The following LPP variants were observed in gnomAD, a reference collection of about 807,000 sequenced individuals.
LPP encodes lipoma-preferred partner.
Under a neutral mutation model 60.4 loss-of-function variants are expected in LPP, and 38 were observed. That is an observed-to-expected ratio of 0.63 (90% CI 0.49 to 0.83). The LOEUF (loss-of-function observed/expected upper bound fraction) is 0.83, where lower values mean the gene tolerates loss of function less well. Among genes scored for constraint, LPP ranks in the 40% least tolerant of loss-of-function variants. The pLI, the probability that LPP is intolerant of heterozygous loss-of-function variation, is 0.00. For missense variants in LPP, 902 were observed against 783.6 expected (o/e 1.15, Z -1.80); for synonymous variants, 328 against 290.8 (o/e 1.13, Z -1.30).
At chr3:188,487,555 A>C (rs921961215) in intron 5 of LPP, among the ~76,000 whole-genome samples, 1 of 152,224 alleles carries the variant, frequency 6.6e-6, no homozygotes, top group Non-Finnish European at 1.5e-5. Context: ...GAAAAGGACA[A>C]ATCTGGTAGG....
chr3:188,541,210 A>C (rs1040101796), intron 6 of LPP, among the ~76,000 whole-genome samples: 1 of 152,202 alleles, frequency 6.6e-6, no homozygotes, highest in Non-Finnish European at 1.5e-5. Flanking sequence ...TTTATTGTTC[A>C]TCTGATTGAC....
chr3:188,885,180 A>G lies in LPP; in HGVS notation c.*10701A>G, dbSNP rs1267497103. The G allele has an allele frequency of 4.9e-6, 1 of 204,036 alleles. No individual in the cohort carries two copies. Among genetic ancestry groups the G allele is most frequent in the East Asian group, 7.6e-5 (1 of 13,108 alleles). 12.6% of individuals were successfully genotyped at this position (204,036 alleles called of 1,614,324 possible). ...CTCCTTTCATTGTTTGCTATATCCT[A>G]AAATATGTGAAGTGAGAGAAAAAAT... On this transcript the variant is annotated 3_prime_UTR_variant, in exon 12 of 12. Transcript: ENST00000617246.
At chr3:188,761,463 T>G (rs1195102880) in intron 9 of LPP, among the ~76,000 whole-genome samples, 1 of 152,214 alleles carries the variant, frequency 6.6e-6, no homozygotes, top group African/African-American at 2.4e-5. Flanking sequence ...TAACATCATT[T>G]CTTTCCAAAG....
intron 4 of LPP, among the ~76,000 whole-genome samples, chr3:188,481,125 TA>T (rs967266435): frequency 1.3e-5 from 2 of 152,236 alleles, no homozygotes; most frequent in Non-Finnish European, 2.9e-5. Flanking sequence ...AGAATTCTCT[TA>T]AACTTTTAGT....
chr3:188,465,352 C>A (rs1800124941), intron 4 of LPP, among the ~76,000 whole-genome samples: 1 of 152,170 alleles, frequency 6.6e-6, no homozygotes, highest in East Asian at 1.9e-4. Flanking sequence ...CGGAACTATT[C>A]GGTGTTATGT....
intron 6 of LPP, among the ~76,000 whole-genome samples, chr3:188,558,601 G>A (rs1830004664): frequency 1.3e-5 from 2 of 152,066 alleles, no homozygotes; most frequent in Non-Finnish European, 2.9e-5. Flanking sequence ...TCTGGCATGG[G>A]TTAGGCAATC....
chr3:188,162,891 T>TGGACAGCAC (rs1718735590), intron 1 of LPP, among the ~76,000 whole-genome samples: 1 of 152,210 alleles, frequency 6.6e-6, no homozygotes, highest in Non-Finnish European at 1.5e-5. Flanking sequence ...TTGTGCTGTT[T>TGGACAGCAC]AATACAGGGT....
chr3:188,291,514 T>G (rs1577893494), intron 2 of LPP, among the ~76,000 whole-genome samples: 1 of 151,488 alleles, frequency 6.6e-6, no homozygotes, highest in Admixed American at 6.6e-5. Context: ...GGCATGGTGG[T>G]GGGCGCCTGT....
At chr3:188,783,457 G>A (rs562798050) in intron 9 of LPP, among the ~76,000 whole-genome samples, 5 of 152,178 alleles carry the variant, frequency 3.3e-5, no homozygotes, top group Non-Finnish European at 7.3e-5. Context: ...TGCAGGAATA[G>A]AAAAACTAAT....
intron 4 of LPP, among the ~76,000 whole-genome samples, chr3:188,470,281 TACACACACACACACAC>T (rs59656753): frequency 7.1e-5 from 9 of 126,862 alleles, no homozygotes; most frequent in South Asian, 5.1e-4. Context: ...CTCTCTCTCA[TACACACACACACACAC>T]ACACACACAC....
At chr3:188,227,916 G>C (rs1216748542) in intron 2 of LPP, among the ~76,000 whole-genome samples, 1 of 152,242 alleles carries the variant, frequency 6.6e-6, no homozygotes, top group African/African-American at 2.4e-5. Flanking sequence ...TTTGGACATA[G>C]TCCCATCCAA....
chr3:188,588,396 AG>A (rs1837950318), intron 6 of LPP, among the ~76,000 whole-genome samples: 1 of 152,184 alleles, frequency 6.6e-6, no homozygotes, highest in Non-Finnish European at 1.5e-5. Context: ...CTATTAAATT[AG>A]TTGTCAACTA....
At chr3:188,637,708 A>G (rs1438422622) in intron 7 of LPP, among the ~76,000 whole-genome samples, 2 of 152,212 alleles carry the variant, frequency 1.3e-5, no homozygotes, top group East Asian at 3.8e-4. Context: ...CAGAAATACA[A>G]ACTACCATCA....
intron 1 of LPP, among the ~76,000 whole-genome samples, chr3:188,206,870 A>G (rs532784754): frequency 2.8e-4 from 42 of 152,270 alleles, no homozygotes; most frequent in African/African-American, 1.0e-3. Flanking sequence ...TCACAGGGTC[A>G]TTGCTGGGGT....
intron 6 of LPP, among the ~76,000 whole-genome samples, chr3:188,532,591 C>T (rs1396226009): frequency 3.9e-5 from 6 of 152,196 alleles, no homozygotes; most frequent in East Asian, 1.9e-4. Flanking sequence ...AGTTTGCCAA[C>T]GGGAAGAGCA....
chr3:188,672,249 G>A (rs981176855), intron 7 of LPP, among the ~76,000 whole-genome samples: 5 of 151,580 alleles, frequency 3.3e-5, no homozygotes, highest in Non-Finnish European at 7.4e-5. Context: ...TGCTATTTAT[G>A]GTGAGCTTTT....
At chr3:188,593,850 G>A (rs994751212) in intron 6 of LPP, among the ~76,000 whole-genome samples, 1 of 152,154 alleles carries the variant, frequency 6.6e-6, no homozygotes, top group Non-Finnish European at 1.5e-5. Flanking sequence ...ATTGATTGAT[G>A]GGCATTTGGG....
At chr3:188,556,302 A>G (rs780197194) in intron 6 of LPP, among the ~76,000 whole-genome samples, 15 of 152,180 alleles carry the variant, frequency 9.9e-5, no homozygotes, top group Admixed American at 5.2e-4. Flanking sequence ...TTGAGCTTGG[A>G]AAGTTTAATT....
At chr3:188,657,263 T>TATATATATATATATATATATA (rs1560019880) in intron 7 of LPP, among the ~76,000 whole-genome samples, 1 of 138,512 alleles carries the variant, frequency 7.2e-6, no homozygotes, top group Non-Finnish European at 1.5e-5. Flanking sequence ...AAGGTGTATA[T>TATATATATATATATATATATA]ATATATATAT....
Sources: allele counts gnomAD v4.1 joint callset (sites outside exome capture counted in the v4.1 genomes callset), GRCh38; gene constraint gnomAD v4.1.1; transcripts MANE v1.5; gene names NCBI Gene and HGNC (gene_info 2026-07-23, HGNC 2026-07-21).